MATN2: variants seen among roughly 807,000 people sequenced by gnomAD.
MATN2 encodes matrilin-2.
In MATN2, 69 loss-of-function variants were observed where a neutral mutation model predicts 103.2. That is an observed-to-expected ratio of 0.67 (90% confidence interval 0.55 to 0.82). MATN2 has a LOEUF of 0.82. Ranked by LOEUF, MATN2 falls within the 40% of genes least tolerant of loss-of-function variation. The pLI, the probability that MATN2 is intolerant of heterozygous loss-of-function variation, is 0.00. For missense variants in MATN2, 1,023 were observed against 1,211.5 expected (o/e 0.84, Z 2.31); for synonymous variants, 429 against 450.2 (o/e 0.95, Z 0.60).
intron 14 of MATN2, among the ~76,000 whole-genome samples, chr8:98,029,406 C>T (rs1228014958): frequency 2.0e-5 from 3 of 152,102 alleles, no homozygotes; most frequent in Admixed American, 6.6e-5. Flanking sequence ...TCTACCTTAC[C>T]CTTTGCTCCA....
chr8:97,879,290 C>T lies in MATN2; in HGVS notation c.-26-8785C>T, dbSNP rs80285745. ...GGTGAGGGACCGGCATGGATGGAGGCGCCCCGCTATGACAAGAGTCTGAGT... is the reference window on the plus strand; with the variant it reads ...GGTGAGGGACCGGCATGGATGGAGGTGCCCCGCTATGACAAGAGTCTGAGT... On this transcript the variant is annotated intron_variant, in intron 1 of 18. Transcript: ENST00000254898. Among the ~76,000 whole-genome samples, 137 of 152,266 alleles carry T rather than the reference C, an allele frequency of 9.0e-4. 1 individual carries two copies. The highest frequency in any genetic ancestry group is 1.6e-3 in the Admixed American group (25 of 15,300).
chr8:97,871,652 G>A (rs190774581), intron 1 of MATN2, among the ~76,000 whole-genome samples: 3 of 152,366 alleles, frequency 2.0e-5, no homozygotes, highest in African/African-American at 7.2e-5. Flanking sequence ...GGAGAATGGG[G>A]AATGTCATTG....
chr8:98,003,161 C>A (rs1345293743), intron 7 of MATN2, among the ~76,000 whole-genome samples: 1 of 152,020 alleles, frequency 6.6e-6, no homozygotes, highest in African/African-American at 2.4e-5. Flanking sequence ...CCCTCATCCC[C>A]GGGCATTTGT....
At chr8:98,025,739 C>CT in intron 13 of MATN2, 1 of 442,894 alleles carries the variant, frequency 2.3e-6, no homozygotes, top group Non-Finnish European at 4.5e-6. Flanking sequence ...CAGCAAGACT[C>CT]TGTCTCAAAA....
chr8:97,915,566 TC>T (rs2130087532), intron 2 of MATN2, among the ~76,000 whole-genome samples: 1 of 152,272 alleles, frequency 6.6e-6, no homozygotes, highest in South Asian at 2.1e-4. Flanking sequence ...CCCTCCTCCT[TC>T]CAGGGAAAGG....
chr8:97,924,952 A>G (rs757519514), intron 2 of MATN2, among the ~76,000 whole-genome samples: 2 of 152,214 alleles, frequency 1.3e-5, no homozygotes, highest in Non-Finnish European at 2.9e-5. Flanking sequence ...CGATGGGTTC[A>G]GATCCCAGCT....
Position 97,941,861 on chromosome 8 carries a change from A to C in MATN2, c.797A>C (p.Gln266Pro). ...IPGSYVCRCKQGYILNSDQTT... is the reference protein window; with the variant it reads ...IPGSYVCRCKPGYILNSDQTT... ...GGCTCATACGTCTGCAGGTGCAAAC[A>C]AGGCTACATTCTCAACTCGGATCAG... The change falls in exon 4 of 19, where the codon CAA (glutamine) becomes CCA (proline). Residue 266 changes from glutamine to proline, a missense_variant. By Grantham distance (76) the Gln-to-Pro change is moderately conservative. Transcript: ENST00000254898. 1 of 1,613,618 alleles carries C rather than the reference A, an allele frequency of 6.2e-7. No individual in the cohort carries two copies. Among genetic ancestry groups the C allele is most frequent in the Non-Finnish European group, 8.5e-7 (1 of 1,179,622 alleles).
At chr8:97,914,582 G>A (rs1809559086) in intron 2 of MATN2, among the ~76,000 whole-genome samples, 1 of 151,250 alleles carries the variant, frequency 6.6e-6, no homozygotes, top group Non-Finnish European at 1.5e-5. Context: ...TCAAACTCCT[G>A]AGCTCAAGTG....
At chr8:97,971,920 G>A (rs889047403) in intron 5 of MATN2, among the ~76,000 whole-genome samples, 1 of 151,554 alleles carries the variant, frequency 6.6e-6, no homozygotes, top group Admixed American at 6.6e-5. Flanking sequence ...GTCAGGCCAG[G>A]CATGGTGGCT....
chr8:98,003,839 CG>C, intron 8 of MATN2, 56 bp downstream of exon 8: 1 of 1,576,808 alleles, frequency 6.3e-7, no homozygotes, highest in South Asian at 1.1e-5. Flanking sequence ...CTCATGGGGG[CG>C]GGCGGGTTCA....
In MATN2 at chr8:97,997,821, T is replaced by G. The variant is rs1452882943; in HGVS notation, c.1204+3219T>G. ...AAAAAGAACCATTTGGAGAAGGTTT[T>G]TTTTTTTTTTTTTTTCCAGACAGAA... is the stretch of plus-strand genomic sequence containing the variant. On this transcript the variant is annotated intron_variant, in intron 7 of 18. Coordinates refer to ENST00000254898, the MANE Select transcript of MATN2 (RefSeq NM_002380.5). 3.5e-3 allele frequency among the ~76,000 whole-genome samples: 529 copies of G among 150,968 alleles called. 9 individuals carry two copies. The highest frequency in any genetic ancestry group is 2.4e-3 in the Non-Finnish European group (160 of 67,604).
intron 6 of MATN2, among the ~76,000 whole-genome samples, chr8:97,989,625 T>A (rs552336631): frequency 6.6e-6 from 1 of 152,296 alleles, no homozygotes; most frequent in East Asian, 1.9e-4. Flanking sequence ...CACTGCTATT[T>A]AATATTGTAC....
At chr8:98,028,958 T>C (rs1813911648) in intron 14 of MATN2, among the ~76,000 whole-genome samples, 1 of 152,170 alleles carries the variant, frequency 6.6e-6, no homozygotes, top group Non-Finnish European at 1.5e-5. Context: ...AAATAAGGTA[T>C]GCACAGATCA....
intron 2 of MATN2, among the ~76,000 whole-genome samples, chr8:97,929,510 A>G (rs1810110121): frequency 6.6e-6 from 1 of 152,182 alleles, no homozygotes; most frequent in Non-Finnish European, 1.5e-5. Context: ...TCCACCCACT[A>G]AAGCTGGAGG....
intron 2 of MATN2, among the ~76,000 whole-genome samples, chr8:97,894,560 A>C (rs1818743546): frequency 6.6e-6 from 1 of 151,992 alleles, no homozygotes; most frequent in South Asian, 2.1e-4. Flanking sequence ...GGCCTTATGC[A>C]ATCCTCCTGC....
chr8:97,992,928 C>CAATAATAATAATAAT lies in MATN2; in HGVS notation c.1082-1534_1082-1520dup, dbSNP rs58706549. Among the ~76,000 whole-genome samples, 394 of 144,586 alleles carry CAATAATAATAATAAT rather than the reference C, an allele frequency of 2.7e-3. 1 individual carries two copies. Among genetic ancestry groups the CAATAATAATAATAAT allele is most frequent in the African/African-American group, 8.7e-3 (340 of 39,218 alleles). The allele number at this position is 144,586 out of a possible 152,430, so 94.9% of individuals were successfully genotyped here. A position where few individuals can be genotyped will look rare whatever the true frequency, so the allele number is the denominator to read the frequency against. On this transcript the variant is annotated intron_variant, in intron 6 of 18. Coordinates refer to ENST00000254898, the MANE Select transcript of MATN2 (RefSeq NM_002380.5). Reference sequence around the variant, plus strand: ...GAGCGAGACTCTGTCTCAAAACAAACAATAATAATAATAATAATAATAATA... The same window carrying CAATAATAATAATAAT: ...GAGCGAGACTCTGTCTCAAAACAAACAATAATAATAATAATAATAATAATAATAATAATAATAATA...
chr8:98,016,436 C>T, intron 10 of MATN2, 104 bp from the exon 11 acceptor site: 1 of 1,025,358 alleles, frequency 9.8e-7, no homozygotes. Flanking sequence ...GGATAAGGCA[C>T]TGTTTTAATT....
At chr8:97,915,580 C>G (rs10101619) in intron 2 of MATN2, among the ~76,000 whole-genome samples, 4,971 of 152,316 alleles carry the variant, frequency 0.033, 259 homozygotes, top group African/African-American at 0.11. Context: ...GGGAAAGGCC[C>G]TGAGGCGCTG....
At chr8:97,947,215 T>C (rs1389691217) in intron 4 of MATN2, among the ~76,000 whole-genome samples, 1 of 152,120 alleles carries the variant, frequency 6.6e-6, no homozygotes, top group Admixed American at 6.5e-5. Flanking sequence ...CTACTAAAAA[T>C]ACAAAAATTA....
Sources: gnomAD v4.1 joint callset for allele counts (sites outside exome capture counted in the v4.1 genomes callset) on GRCh38, gnomAD v4.1.1 for gene constraint, MANE v1.5 for transcripts, NCBI Gene and HGNC (gene_info 2026-07-23, HGNC 2026-07-21) for gene names.